COP1: variants seen among roughly 807,000 people sequenced by gnomAD.
COP1 encodes E3 ubiquitin-protein ligase COP1.
A neutral mutation model predicts 101.3 loss-of-function variants in COP1; 24 were observed. That is an observed-to-expected ratio of 0.24 (90% CI 0.17 to 0.33). COP1 has a LOEUF of 0.33. COP1 is among the 10% of genes least tolerant of loss of function. COP1 has a pLI of 1.00. For missense variants in COP1, 663 were observed against 906.2 expected, an observed-to-expected ratio of 0.73 and a Z score of 3.45; for synonymous variants, 347 against 341.9, an observed-to-expected ratio of 1.01 and a Z score of -0.17.
chr1:175,988,600 A>T (rs923347129), intron 16 of COP1, 188 bp from the exon 17 acceptor site: 12 of 463,652 alleles, frequency 2.6e-5, no homozygotes, highest in Middle Eastern at 8.8e-4. Context: ...TGGTAGGCCG[A>T]GGCAGGTGGA....
chr1:175,961,172 T>C (rs75280872), intron 18 of COP1, among the ~76,000 whole-genome samples: 3,487 of 152,286 alleles, frequency 0.023, 136 homozygotes, highest in African/African-American at 0.079. Context: ...TGGCATATCA[T>C]GGTATGTCTC....
chr1:176,129,040 A>G (rs1284788665), intron 8 of COP1, among the ~76,000 whole-genome samples: 1 of 151,972 alleles, frequency 6.6e-6, no homozygotes, highest in Non-Finnish European at 1.5e-5. Context: ...GCATAGAATG[A>G]CATGGGTAAA....
At chr1:176,097,768 C>G (rs942545236) in intron 9 of COP1, among the ~76,000 whole-genome samples, 1 of 149,606 alleles carries the variant, frequency 6.7e-6, no homozygotes. Context: ...ACAAGGGAGG[C>G]TGAGGCGGGA....
chr1:176,182,421 C>T (rs1226796224), intron 2 of COP1, among the ~76,000 whole-genome samples: 1 of 152,096 alleles, frequency 6.6e-6, no homozygotes, highest in Non-Finnish European at 1.5e-5. Context: ...ATTTTGTCCC[C>T]CAAGGGGTAT....
chr1:176,194,224 A>G (rs1186772509), intron 1 of COP1, among the ~76,000 whole-genome samples: 1 of 152,162 alleles, frequency 6.6e-6, no homozygotes, highest in Non-Finnish European at 1.5e-5. Context: ...AGAAAGGAAG[A>G]AAAAAAGAGA....
intron 1 of COP1, among the ~76,000 whole-genome samples, chr1:176,189,955 A>G (rs919426365): frequency 1.3e-5 from 2 of 152,056 alleles, no homozygotes; most frequent in African/African-American, 4.8e-5. Context: ...AAAAATCAAG[A>G]AAGAATTAGA....
chr1:175,967,511 A>T (rs1213782128), intron 18 of COP1, among the ~76,000 whole-genome samples: 1 of 151,814 alleles, frequency 6.6e-6, no homozygotes, highest in African/African-American at 2.4e-5. Flanking sequence ...AAACAAACAA[A>T]CAAACAAACA....
At chr1:175,949,488 A>G (rs1227006811) in intron 18 of COP1, among the ~76,000 whole-genome samples, 1 of 152,184 alleles carries the variant, frequency 6.6e-6, no homozygotes, top group Non-Finnish European at 1.5e-5. Context: ...TGTGTGGTGC[A>G]ATATGGATTT....
rs1426427727 is a variant in COP1 at position 175,987,123 on chromosome 1, A to G, written c.1973-20T>C. On this transcript the variant is annotated intron_variant, in intron 17 of 19. Coordinates refer to ENST00000367669, the MANE Select transcript of COP1 (RefSeq NM_022457.7). ...CACTTCCTGAAAACAAATAATAATA[A>G]TAGTATTTTAGAATAGAAAAACTCG... 7.9e-7 allele frequency: 1 copy of G among 1,266,556 alleles called. No individual in the cohort carries two copies. Among genetic ancestry groups the G allele is most frequent in the Non-Finnish European group, 1.1e-6 (1 of 911,626 alleles). 78.5% of individuals were successfully genotyped at this position (1,266,556 alleles called of 1,614,324 possible).
chr1:176,041,521 G>C (rs898359546), intron 14 of COP1, among the ~76,000 whole-genome samples: 1 of 151,832 alleles, frequency 6.6e-6, no homozygotes, highest in Non-Finnish European at 1.5e-5. Flanking sequence ...GCTAATTTTT[G>C]TATTTTTAGT....
Position 176,146,728 on chromosome 1 carries a change from A to C in COP1, c.831+2278T>G, listed in dbSNP as rs529188233. On this transcript the variant is annotated intron_variant, in intron 6 of 19. Transcript: ENST00000367669. ...AGGCACCCAGCTACTCTGAATCAAA[A>C]TTCTAGACTCAATATATTAAATTTT... 6.6e-5 allele frequency among the ~76,000 whole-genome samples: 10 copies of C among 152,320 alleles called. No individual in the cohort carries two copies. In the East Asian group the frequency reaches 1.9e-3, roughly 29 times the overall value.
intron 3 of COP1, among the ~76,000 whole-genome samples, chr1:176,172,032 ACT>A (rs1219447766): frequency 2.6e-5 from 4 of 152,182 alleles, no homozygotes; most frequent in Admixed American, 6.6e-5. Flanking sequence ...TCTAGAATTT[ACT>A]CTCTTTTTTA....
intron 11 of COP1, among the ~76,000 whole-genome samples, chr1:176,065,447 T>C (rs1186162097): frequency 6.6e-6 from 1 of 152,206 alleles, no homozygotes; most frequent in Non-Finnish European, 1.5e-5. Context: ...ATTTATGTTA[T>C]AAAACACTTG....
At chr1:176,010,473 A>C (rs1277282451) in intron 15 of COP1, among the ~76,000 whole-genome samples, 1 of 152,212 alleles carries the variant, frequency 6.6e-6, no homozygotes, top group African/African-American at 2.4e-5. Context: ...ATATTGTTAT[A>C]TTTGAAGCAT....
At chr1:176,058,431 T>A (rs548038659) in intron 11 of COP1, among the ~76,000 whole-genome samples, 4 of 152,152 alleles carry the variant, frequency 2.6e-5, no homozygotes, top group Non-Finnish European at 5.9e-5. Flanking sequence ...TAAGAAAAAT[T>A]CTTATCCTGT....
At chr1:176,146,438 G>T (rs1691596400) in intron 6 of COP1, among the ~76,000 whole-genome samples, 1 of 152,192 alleles carries the variant, frequency 6.6e-6, no homozygotes, top group Non-Finnish European at 1.5e-5. Flanking sequence ...AAAGTTTTAG[G>T]ATATAATTTC....
chr1:176,132,248 T>C lies in COP1; in HGVS notation c.968+2762A>G, dbSNP rs573382385. ...CTAAATCAGATCCTGCTCAACACTA[T>C]CCCATAACTTTCCATCATAATTAGT... On this transcript the variant is annotated intron_variant, in intron 8 of 19. Transcript: ENST00000367669. Among the ~76,000 whole-genome samples the C allele has an allele frequency of 5.3e-5, 8 of 151,958 alleles. No homozygotes were observed. In the South Asian group the frequency reaches 1.4e-3, roughly 28 times the overall value.
At chr1:176,080,748 C>A (rs1558065412) in intron 11 of COP1, among the ~76,000 whole-genome samples, 1 of 152,196 alleles carries the variant, frequency 6.6e-6, no homozygotes, top group African/African-American at 2.4e-5. Flanking sequence ...AACCCTAAAT[C>A]TCTTAAGCAA....
chr1:175,949,945 T>C (rs970335844), intron 18 of COP1, among the ~76,000 whole-genome samples: 2 of 152,056 alleles, frequency 1.3e-5, no homozygotes, highest in Non-Finnish European at 2.9e-5. Context: ...ACTAGGAAAA[T>C]TGTAGTATAT....
Sources: gnomAD v4.1 joint callset for allele counts (sites outside exome capture counted in the v4.1 genomes callset) on GRCh38, gnomAD v4.1.1 for gene constraint, MANE v1.5 for transcripts, NCBI Gene and HGNC (gene_info 2026-07-23, HGNC 2026-07-21) for gene names.